Variants in OCA2 observed in about 807,000 individuals in gnomAD.
The protein encoded by OCA2 is OCA2 melanosomal transmembrane protein, also known as P protein.
A neutral mutation model predicts 100.2 loss-of-function variants in OCA2; 77 were observed. That is an observed-to-expected ratio of 0.77 (90% confidence interval 0.64 to 0.93). The LOEUF (loss-of-function observed/expected upper bound fraction) is 0.93. Among genes scored for constraint, OCA2 ranks in the 40% least tolerant of loss-of-function variants. The pLI, the probability that OCA2 is intolerant of heterozygous loss-of-function variation, is 0.00. For synonymous variants in OCA2, 432 were observed against 439.2 expected (o/e 0.98, Z 0.21); for missense variants, 1,062 against 1,089.1 (o/e 0.98, Z 0.35).
chr15:27,782,263 T>G (rs2032582754), intron 23 of OCA2, among the ~76,000 whole-genome samples: 1 of 152,192 alleles, frequency 6.6e-6, no homozygotes, highest in Non-Finnish European at 1.5e-5. Context: ...TAGAGCAACC[T>G]CAAATGAAAT....
At chr15:27,756,666 T>G (rs754290329) in intron 23 of OCA2, among the ~76,000 whole-genome samples, 21 of 152,330 alleles carry the variant, frequency 1.4e-4, no homozygotes, top group Admixed American at 2.6e-4. Context: ...CAGACATCAC[T>G]GCAAGCCTTC....
At chr15:28,011,368 C>T (rs996312606) in intron 9 of OCA2, among the ~76,000 whole-genome samples, 3 of 151,862 alleles carry the variant, frequency 2.0e-5, no homozygotes, top group East Asian at 3.9e-4. Flanking sequence ...CTCGGGAGAC[C>T]GAGGTAGGAG....
intron 21 of OCA2, among the ~76,000 whole-genome samples, chr15:27,865,207 C>T (rs993262008): frequency 1.3e-5 from 2 of 152,056 alleles, no homozygotes; most frequent in Admixed American, 1.3e-4. Context: ...TGGAATACCA[C>T]GCGAAGGCTG....
intron 23 of OCA2, among the ~76,000 whole-genome samples, chr15:27,832,005 A>C (rs2034978594): frequency 6.8e-6 from 1 of 147,636 alleles, no homozygotes; most frequent in African/African-American, 2.5e-5. Flanking sequence ...CTGAGCATTC[A>C]CCACCCCCTG....
chr15:28,051,777 C>T (rs1193039242), intron 2 of OCA2, among the ~76,000 whole-genome samples: 3 of 151,636 alleles, frequency 2.0e-5, no homozygotes, highest in Non-Finnish European at 4.4e-5. Context: ...AGGGTGCAGG[C>T]GGGGACCATG....
Position 28,062,501 on chromosome 15 carries a change from C to T in OCA2, c.227+19147G>A, listed in dbSNP as rs1388894906. On this transcript the variant is annotated intron_variant, in intron 2 of 23. Coordinates refer to ENST00000354638, the MANE Select transcript of OCA2 (RefSeq NM_000275.3). ...TATATTGTCAGCCATTATTTTCTCCCGTTCTGTTGCTTGTCTTTCCACTTC... is the reference window on the plus strand; with the variant it reads ...TATATTGTCAGCCATTATTTTCTCCTGTTCTGTTGCTTGTCTTTCCACTTC... 5.3e-5 allele frequency among the ~76,000 whole-genome samples: 8 copies of T among 152,124 alleles called. No individual in the cohort carries two copies. The East Asian group carries it at 9.6e-4, about 18-fold the overall frequency.
At chr15:27,867,999 G>A (rs2036390747) in intron 21 of OCA2, among the ~76,000 whole-genome samples, 2 of 152,202 alleles carry the variant, frequency 1.3e-5, no homozygotes. Context: ...AACCACCTAT[G>A]CAGCAGCCCA....
chr15:27,912,387 G>A (rs1157631668), intron 19 of OCA2, among the ~76,000 whole-genome samples: 1 of 151,978 alleles, frequency 6.6e-6, no homozygotes, highest in Non-Finnish European at 1.5e-5. Context: ...AAATGATTCA[G>A]GAACATTTTA....
intron 19 of OCA2, among the ~76,000 whole-genome samples, chr15:27,887,560 G>A (rs1311537977): frequency 2.0e-5 from 3 of 150,036 alleles, no homozygotes; most frequent in African/African-American, 7.4e-5. Flanking sequence ...GAGACACCCA[G>A]GTCAAGAGCC....
rs145015054 is a variant in OCA2, at chr15:27,822,314, T to C, written c.2432+22645A>G. Among the ~76,000 whole-genome samples, 9 of 152,336 alleles carry C rather than the reference T, an allele frequency of 5.9e-5. No homozygotes were observed. In the South Asian group the frequency reaches 6.2e-4, roughly 11 times the overall value. ...TATGCACTTTTTTGTGTCTGGCTTCTTTCACTCAATATTATGTTCTTGAGA... is the reference window on the plus strand; with the variant it reads ...TATGCACTTTTTTGTGTCTGGCTTCCTTCACTCAATATTATGTTCTTGAGA... On this transcript the variant is annotated intron_variant, in intron 23 of 23. Coordinates refer to ENST00000354638, the MANE Select transcript of OCA2 (RefSeq NM_000275.3).
intron 21 of OCA2, among the ~76,000 whole-genome samples, chr15:27,864,566 G>A (rs964077373): frequency 2.0e-5 from 3 of 152,122 alleles, no homozygotes; most frequent in Non-Finnish European, 2.9e-5. Flanking sequence ...ATGGGATGGG[G>A]CGAGACTGCA....
At chr15:27,915,060 C>G (rs967571293) in intron 19 of OCA2, among the ~76,000 whole-genome samples, 1 of 151,310 alleles carries the variant, frequency 6.6e-6, no homozygotes, top group Non-Finnish European at 1.5e-5. Context: ...AAATAACACA[C>G]CTACAACTAT....
chr15:27,852,634 C>A (rs1466513062), intron 21 of OCA2, among the ~76,000 whole-genome samples: 2 of 151,752 alleles, frequency 1.3e-5, no homozygotes, highest in Non-Finnish European at 1.5e-5. Context: ...AGTGAACAGG[C>A]AACCTACAAA....
intron 19 of OCA2, chr15:27,896,503 C>A: frequency 1.9e-6 from 1 of 535,108 alleles, no homozygotes; most frequent in South Asian, 2.1e-5. Context: ...CCCAAAATGT[C>A]CCTTGCTCAA....
intron 23 of OCA2, among the ~76,000 whole-genome samples, chr15:27,821,784 C>G (rs1422326665): frequency 6.6e-6 from 1 of 152,162 alleles, no homozygotes; most frequent in Admixed American, 6.5e-5. Context: ...TATATGCACC[C>G]ATGCACACTA....
At chr15:27,955,730 G>C (rs2040201723) in intron 16 of OCA2, among the ~76,000 whole-genome samples, 1 of 152,118 alleles carries the variant, frequency 6.6e-6, no homozygotes, top group Admixed American at 6.5e-5. Flanking sequence ...GGGGGCCGAG[G>C]GGGAAGGATC....
chr15:28,090,444 T>C (rs1189593057), intron 1 of OCA2, among the ~76,000 whole-genome samples: 2 of 152,214 alleles, frequency 1.3e-5, no homozygotes, highest in Admixed American at 1.3e-4. Flanking sequence ...GACTACACTT[T>C]GGACCATAAA....
chr15:27,746,797 C>G, the OCA2 span, among the ~76,000 whole-genome samples: 1 of 152,220 alleles, frequency 6.6e-6, no homozygotes, highest in Non-Finnish European at 1.5e-5. Context: ...GTACTCCCCT[C>G]TCTCCCACAT....
chr15:27,895,843 C>T, intron 19 of OCA2: 1 of 519,372 alleles, frequency 1.9e-6, no homozygotes, highest in Non-Finnish European at 3.5e-6. Flanking sequence ...ACAACACACC[C>T]AAATACAGGA....
Sources: gnomAD v4.1 joint callset for allele counts (sites outside exome capture counted in the v4.1 genomes callset) on GRCh38, gnomAD v4.1.1 for gene constraint, MANE v1.5 for transcripts, NCBI Gene and HGNC (gene_info 2026-07-23, HGNC 2026-07-21) for gene names.